TTN: variants seen among roughly 807,000 people sequenced by gnomAD.
The protein encoded by TTN is connectin.
A neutral mutation model predicts 3,223.0 loss-of-function variants in TTN; 1,525 were observed. That is an observed-to-expected ratio of 0.47 (90% confidence interval 0.45 to 0.49). The LOEUF (loss-of-function observed/expected upper bound fraction) is 0.49, where lower values mean the gene tolerates loss of function less well. Among genes scored for constraint, TTN ranks in the 20% least tolerant of loss-of-function variants. The pLI is 0.00. For missense variants in TTN, 40,786 were observed against 43,424.0 expected (o/e 0.94, Z 5.40); for synonymous variants, 14,094 against 15,161.0 (o/e 0.93, Z 5.17).
At chr2:178,796,247 A>G (rs969419116) in intron 6 of TTN, among the ~76,000 whole-genome samples, 4 of 152,234 alleles carry the variant, frequency 2.6e-5, no homozygotes, top group African/African-American at 9.6e-5. Flanking sequence ...AAGGCTTATT[A>G]CATTTTCCTC....
rs1448128592 is a variant in TTN at position 178,531,155 on chromosome 2, C to A, written c.105460G>T (p.Gly35154Cys). The A allele has an allele frequency of 6.2e-7, 1 of 1,613,982 alleles. No homozygotes were observed. Among genetic ancestry groups the A allele is most frequent in the African/African-American group, 1.3e-5 (1 of 75,028 alleles). ...ESARFSCDTD[G>C]EPVPTVTWLR... Reference sequence around the variant, plus strand: ...CAGGTCACAGTTGGTACCGGCTCACCATCGGTGTCACAAGAAAACCTTGCA... The same window carrying A: ...CAGGTCACAGTTGGTACCGGCTCACAATCGGTGTCACAAGAAAACCTTGCA... The change falls in exon 358 of 363, where the codon GGT becomes TGT. Residue 35154 changes from glycine (G) to cysteine (C), a missense_variant. Transcript: ENST00000589042.
At position 178,770,418 on chromosome 2, in the gene TTN, C is replaced by T. The variant is rs79645147; in HGVS notation, c.8374G>A (p.Val2792Met). 1.3e-5 allele frequency: 21 copies of T among 1,614,174 alleles called. No homozygotes were observed. Among genetic ancestry groups the T allele is most frequent in the Middle Eastern group, 1.6e-4 (1 of 6,062 alleles). ...GRLGASARLH[V>M]ETVKIIKKPK... ...TGTTTCTAAATCAACTTACTCTCCA[C>T]GTGCAGTCTGGCACTGGCTCCAAGC... The change falls in exon 35 of 363, where the codon GTG becomes ATG. Residue 2792 changes from valine to methionine, a missense_variant. Coordinates refer to ENST00000589042, the MANE Select transcript of TTN (RefSeq NM_001267550.2).
In TTN at chr2:178,598,536, A is replaced by G. The variant is rs750593114; in HGVS notation, c.57081T>C (p.Tyr19027=). 1 of 1,608,648 alleles carries G rather than the reference A, an allele frequency of 6.2e-7. No individual in the cohort carries two copies. Among genetic ancestry groups the G allele is most frequent in the South Asian group, 1.1e-5 (1 of 89,424 alleles). ...GSKVTGYIVE[Y]KEEGKEEWEK... is the part of the protein sequence containing the mutation. ...CCCATTCTTCTTTTCCTTCTTCTTT[A>G]TATTCAACGATGTATCCAGTTACTT... Residue 19027 remains tyrosine, a synonymous_variant, in exon 292 of 363, where the codon TAT becomes TAC. Coordinates refer to ENST00000589042, the MANE Select transcript of TTN (RefSeq NM_001267550.2).
intron 171 of TTN, 38 bp downstream of exon 171, chr2:178,663,589 A>G (rs2065178802): frequency 5.6e-6 from 9 of 1,613,656 alleles, no homozygotes; most frequent in Non-Finnish European, 7.6e-6. Flanking sequence ...AGAGCAGAAG[A>G]GATACATCAT....
At chr2:178,651,141 A>G (rs1007959089) in intron 208 of TTN, 102 bp downstream of exon 208, 2 of 918,344 alleles carry the variant, frequency 2.2e-6, no homozygotes, top group South Asian at 1.8e-5. Flanking sequence ...ACAGTTTTGT[A>G]GTTGCAAATT....
At chr2:178,653,004 G>C in intron 199 of TTN, 37 bp downstream of exon 199, 1 of 1,608,708 alleles carries the variant, frequency 6.2e-7, no homozygotes, top group Non-Finnish European at 8.5e-7. Flanking sequence ...GAAATGAAGA[G>C]TTCAGTCTTC....
At chr2:178,757,491 G>T in intron 45 of TTN, 51 bp downstream of exon 45, 2 of 1,494,310 alleles carry the variant, frequency 1.3e-6, no homozygotes, top group South Asian at 1.5e-5. Context: ...GTAACAGTGG[G>T]ACTGAGAGGT....
chr2:178,529,608 CTT>C (rs987863601), intron 359 of TTN, among the ~76,000 whole-genome samples: 2 of 152,138 alleles, frequency 1.3e-5, no homozygotes, highest in African/African-American at 4.8e-5. Flanking sequence ...CTTTAATTAA[CTT>C]TGCACTGCTT....
chr2:178,542,428 T>C lies in TTN; in HGVS notation c.97328A>G (p.His32443Arg). The C allele has an allele frequency of 1.9e-6, 3 of 1,613,728 alleles. No individual in the cohort carries two copies. Among genetic ancestry groups the C allele is most frequent in the Non-Finnish European group, 8.5e-7 (1 of 1,179,734 alleles). Residue 32443 changes from histidine to arginine, a missense_variant, in exon 349 of 363, where the codon CAT becomes CGT. Coordinates refer to ENST00000589042, the MANE Select transcript of TTN (RefSeq NM_001267550.2). The stretch of plus-strand genomic sequence containing the variant: ...AGAAACGGGCAGCCATCCTGGACGA[T>C]GAGCGTCACGTTGTTCTACCACATA... ...SGYVVEQRDA[H>R]RPGWLPVSES...
Position 178,559,309 on chromosome 2 carries a change from A to T in TTN, c.86821+2T>A, listed in dbSNP as rs397517735. On this transcript the variant is annotated splice_donor_variant, in intron 326 of 362. Coordinates refer to ENST00000589042, the MANE Select transcript of TTN (RefSeq NM_001267550.2). LOFTEE classifies it high-confidence loss of function. Reference sequence around the variant, plus strand: ...TAGAATTTCCTTATTCTTAAAACATACCTGTTATTTTTACTCCTTCCTTTG... The same window carrying T: ...TAGAATTTCCTTATTCTTAAAACATTCCTGTTATTTTTACTCCTTCCTTTG... 19 of 1,581,920 alleles carry T rather than the reference A, an allele frequency of 1.2e-5. No homozygotes were observed. Among genetic ancestry groups the T allele is most frequent in the African/African-American group, 2.7e-5 (2 of 73,462 alleles).
rs774523194 is a variant in TTN at position 178,768,720 on chromosome 2, G to A, written c.9116C>T (p.Thr3039Ile). The part of the protein sequence containing the change: ...NVHFGDAADY[T>I]FVAGKATSTA... ...TGATGTTGCTTTTCCAGCCACAAAG[G>A]TGTAGTCAGCAGCATCCCCAAAGTG... The change falls in exon 38 of 363, where the codon ACC becomes ATC. Residue 3039 changes from threonine (T) to isoleucine (I), a missense_variant. Transcript: ENST00000589042. The A allele has an allele frequency of 6.2e-6, 10 of 1,613,942 alleles. No individual in the cohort carries two copies. The Admixed American group carries it at 1.3e-4, about 22-fold the overall frequency.
At position 178,679,922 on chromosome 2, in the gene TTN, T is replaced by C; in HGVS notation, c.33552A>G (p.Glu11184=). 6.2e-7 allele frequency: 1 copy of C among 1,613,194 alleles called. No homozygotes were observed. The highest frequency in any genetic ancestry group is 8.5e-7 in the Non-Finnish European group (1 of 1,179,382). ...IHEEEEFITE[E]EVVPVIPVKV... is the part of the protein sequence containing the mutation. ...TGACTGGTATCACTGGCACCACTTC[T>C]TCCTCAGTTATGAACTCCTCTTCTT... Residue 11184 remains glutamate, a synonymous_variant, in exon 140 of 363, where the codon GAA becomes GAG. Coordinates refer to ENST00000589042, the MANE Select transcript of TTN (RefSeq NM_001267550.2).
At position 178,545,521 on chromosome 2, in the gene TTN, C is replaced by T. The variant is rs771551272; in HGVS notation, c.95589G>A (p.Val31863=). ...TGGTCACCTTCAGCCTGGTATCATA[C>T]ACCACATAGTCTTTGTTGACACGTG... The part of the protein sequence containing the change: ...RWTRVNKDYV[V]YDTRLKVTSL... Residue 31863 remains valine (V), a synonymous_variant, in exon 344 of 363, where the codon GTG becomes GTA. Coordinates refer to ENST00000589042, the MANE Select transcript of TTN (RefSeq NM_001267550.2). The T allele has an allele frequency of 1.2e-6, 2 of 1,613,716 alleles. No homozygotes were observed. Among genetic ancestry groups the T allele is most frequent in the Non-Finnish European group, 8.5e-7 (1 of 1,179,688 alleles).
At chr2:178,688,556 C>A in intron 126 of TTN, 121 bp downstream of exon 126, 4 of 739,158 alleles carry the variant, frequency 5.4e-6, no homozygotes, top group African/African-American at 3.5e-5. Flanking sequence ...ATTCTAATAC[C>A]AACATAAGGA....
chr2:178,647,267 C>T lies in TTN; in HGVS notation c.40141+114G>A, dbSNP rs1473594703. On this transcript the variant is annotated intron_variant, in intron 214 of 362. Coordinates refer to ENST00000589042, the MANE Select transcript of TTN (RefSeq NM_001267550.2). The stretch of plus-strand genomic sequence containing the variant: ...TATAACAGATTATTCAGATGACCCC[C>T]CAAATATCAATAACTTCAATACAGA... 4 of 1,316,616 alleles carry T rather than the reference C, an allele frequency of 3.0e-6. No homozygotes were observed. In the Admixed American group the frequency reaches 7.0e-5, roughly 23 times the overall value. The allele number at this position is 1,316,616 out of a possible 1,614,324, so 81.6% of individuals were successfully genotyped here.
rs768082434 is a variant in TTN, at chr2:178,530,487, C to A, written c.106128G>T (p.Gly35376=). Reference sequence around the variant, plus strand: ...TCTCATGGATACTCTTAAAGGCTTGCCCCATAAATTGTAAGTTGGTTTTAG... The same window carrying A: ...TCTCATGGATACTCTTAAAGGCTTGACCCATAAATTGTAAGTTGGTTTTAG... ...GTSKTNLQFM[G]QAFKSIHEKV... is the part of the protein sequence containing the mutation. The change falls in exon 358 of 363, where the codon GGG becomes GGT. Residue 35376 remains glycine, a synonymous_variant. Coordinates refer to ENST00000589042, the MANE Select transcript of TTN (RefSeq NM_001267550.2). 6.2e-7 allele frequency: 1 copy of A among 1,613,964 alleles called. No homozygotes were observed. The highest frequency in any genetic ancestry group is 2.2e-5 in the East Asian group (1 of 44,890).
intron 253 of TTN, 71 bp from the exon 254 acceptor site, chr2:178,617,583 AAT>A (rs2057581887): frequency 1.4e-6 from 2 of 1,387,432 alleles, no homozygotes; most frequent in Admixed American, 5.5e-5. Context: ...TGTTGTAATC[AAT>A]TATATCATCC....
Position 178,633,323 on chromosome 2 carries a change from C to T in TTN, c.42950G>A (p.Arg14317Gln), listed in dbSNP as rs727505144. Residue 14317 changes from arginine (R) to glutamine (Q), a missense_variant, in exon 233 of 363, where the codon CGA (arginine) becomes CAA (glutamine). By Grantham distance (43) the Arg-to-Gln change is conservative. Coordinates refer to ENST00000589042, the MANE Select transcript of TTN (RefSeq NM_001267550.2). The stretch of plus-strand genomic sequence containing the variant: ...CAGAGGCTTTTCCACTTTTATTAGT[C>T]GAGCTGAAATGATACAGTTTTGTTA... Reference protein sequence around the residue: ...KTKANVTVEARLIKVEKPLYG... With the variant: ...KTKANVTVEAQLIKVEKPLYG... 165 of 1,612,600 alleles carry T rather than the reference C, an allele frequency of 1.0e-4. No homozygotes were observed. Among genetic ancestry groups the T allele is most frequent in the Non-Finnish European group, 1.3e-4 (159 of 1,179,366 alleles).
At position 178,537,814 on chromosome 2, in the gene TTN, G is replaced by A; in HGVS notation, c.99393C>T (p.Asp33131=). Residue 33131 remains aspartate (D), a synonymous_variant, in exon 355 of 363, where the codon GAC becomes GAT. Coordinates refer to ENST00000589042, the MANE Select transcript of TTN (RefSeq NM_001267550.2). ...SCQIVGRPLP[D]IKWYRFGKEL... Reference sequence around the variant, plus strand: ...CTTTACCAAATCTGTACCATTTAATGTCAGGAAGAGGCCTTCCAACAATCT... The same window carrying A: ...CTTTACCAAATCTGTACCATTTAATATCAGGAAGAGGCCTTCCAACAATCT... 1.2e-6 allele frequency: 2 copies of A among 1,613,658 alleles called. No homozygotes were observed. The highest frequency in any genetic ancestry group is 1.3e-5 in the African/African-American group (1 of 74,998).
Sources: allele counts gnomAD v4.1 joint callset (sites outside exome capture counted in the v4.1 genomes callset), GRCh38; gene constraint gnomAD v4.1.1; transcripts MANE v1.5; gene names NCBI Gene and HGNC (gene_info 2026-07-23, HGNC 2026-07-21).